Variants in FHAD1 observed in about 807,000 individuals in gnomAD.
The protein encoded by FHAD1 is forkhead-associated domain-containing protein 1.
Under a neutral mutation model 191.3 loss-of-function variants are expected in FHAD1, and 146 were observed. The observed-to-expected ratio is 0.76, with a 90% CI of 0.67 to 0.88. The LOEUF (loss-of-function observed/expected upper bound fraction) is 0.88, where lower values mean the gene tolerates loss of function less well. Ranked by LOEUF, FHAD1 falls within the 40% of genes least tolerant of loss-of-function variation. The pLI, the probability that FHAD1 is intolerant of heterozygous loss-of-function variation, is 0.00. For missense variants in FHAD1, 1,635 were observed against 1,785.8 expected (o/e 0.92, Z 1.52); for synonymous variants, 616 against 672.3 (o/e 0.92, Z 1.29).
intron 10 of FHAD1, among the ~76,000 whole-genome samples, chr1:15,323,950 C>T (rs1387323634): frequency 6.6e-6 from 1 of 152,158 alleles, no homozygotes; most frequent in African/African-American, 2.4e-5. Context: ...ACCAAGTGCC[C>T]ACGATGGGCG....
intron 2 of FHAD1, among the ~76,000 whole-genome samples, chr1:15,259,812 CA>C (rs1316012335): frequency 7.9e-5 from 12 of 152,126 alleles, no homozygotes; most frequent in African/African-American, 2.9e-4. Flanking sequence ...CAGAGCAGAC[CA>C]AGCTGGAGCT....
chr1:15,332,804 C>T (rs1682267498), intron 14 of FHAD1, among the ~76,000 whole-genome samples: 1 of 152,206 alleles, frequency 6.6e-6, no homozygotes, highest in African/African-American at 2.4e-5. Flanking sequence ...GCAAGCATTC[C>T]TCAGACCAGC....
intron 6 of FHAD1, among the ~76,000 whole-genome samples, chr1:15,305,527 C>G (rs925052241): frequency 6.6e-6 from 1 of 152,184 alleles, no homozygotes; most frequent in Non-Finnish European, 1.5e-5. Flanking sequence ...TTGATTTCCT[C>G]ACTTGCAAAA....
intron 14 of FHAD1, among the ~76,000 whole-genome samples, chr1:15,335,659 C>T (rs1031842393): frequency 5.9e-5 from 9 of 152,096 alleles, no homozygotes; most frequent in East Asian, 1.9e-4. Context: ...AACATGAAGA[C>T]GCAGTGGCAA....
chr1:15,332,885 C>T (rs532229497), intron 14 of FHAD1, among the ~76,000 whole-genome samples: 1 of 152,268 alleles, frequency 6.6e-6, no homozygotes, highest in South Asian at 2.1e-4. Context: ...CAGAATCCCT[C>T]CCTTGTTAAC....
intron 3 of FHAD1, among the ~76,000 whole-genome samples, chr1:15,279,621 TG>T (rs1176589780): frequency 6.6e-6 from 1 of 151,412 alleles, no homozygotes; most frequent in Non-Finnish European, 1.5e-5. Context: ...AGCAGATTCT[TG>T]CCCCACCTGT....
intron 32 of FHAD1, among the ~76,000 whole-genome samples, chr1:15,388,649 C>T (rs1331055044): frequency 6.6e-6 from 1 of 151,902 alleles, no homozygotes; most frequent in East Asian, 1.9e-4. Flanking sequence ...CTCGCATAAG[C>T]ACTTCTACCC....
chr1:15,343,257 G>T (rs1382065682), intron 16 of FHAD1, among the ~76,000 whole-genome samples: 1 of 152,156 alleles, frequency 6.6e-6, no homozygotes, highest in African/African-American at 2.4e-5. Flanking sequence ...CCTGCTGTGG[G>T]ATTTCTAAGC....
chr1:15,279,442 G>A (rs1659675410), intron 3 of FHAD1, among the ~76,000 whole-genome samples: 1 of 129,224 alleles, frequency 7.7e-6, no homozygotes, highest in African/African-American at 2.9e-5. Flanking sequence ...GTCTGTTAGG[G>A]TTACCTCTCT....
chr1:15,306,171 T>A (rs1194987572), intron 6 of FHAD1, among the ~76,000 whole-genome samples: 1 of 152,184 alleles, frequency 6.6e-6, no homozygotes, highest in Non-Finnish European at 1.5e-5. Flanking sequence ...CTTGTTATGT[T>A]TTAGCAAAGA....
rs2102992962 is a variant in FHAD1, at chr1:15,381,680, C to T, written c.4022+229C>T. 6.6e-6 allele frequency among the ~76,000 whole-genome samples: 1 copy of T among 152,218 alleles called. No homozygotes were observed. The highest frequency in any genetic ancestry group is 2.1e-4 in the South Asian group (1 of 4,818). ...GTGCACGGTTTCCCCATTCTGTGAA[C>T]TATTTTCTGTGCAAGCTGCACCTCT... On this transcript the variant is annotated intron_variant, in intron 30 of 33. Coordinates refer to ENST00000688493, the MANE Select transcript of FHAD1 (RefSeq NM_001391957.1). The surrounding 1 kb of genome is among the most constrained non-coding windows in gnomAD (Gnocchi z 4.6).
chr1:15,388,072 C>A lies in FHAD1; in HGVS notation c.4210C>A (p.Leu1404Met). 7.8e-7 allele frequency: 1 copy of A among 1,289,876 alleles called. No individual in the cohort carries two copies. Among genetic ancestry groups the A allele is most frequent in the Non-Finnish European group, 1.0e-6 (1 of 988,846 alleles). The allele number at this position is 1,289,876 out of a possible 1,614,324, so 79.9% of individuals were successfully genotyped here. The change falls in exon 32 of 34, where the codon CTG (leucine) becomes ATG (methionine). Residue 1404 changes from leucine to methionine, a missense_variant. By Grantham distance (15) the Leu-to-Met change is conservative. Coordinates refer to ENST00000688493, the MANE Select transcript of FHAD1 (RefSeq NM_001391957.1). ...QQKESVEEHELRNAKESTPCN... is the reference protein window; with the variant it reads ...QQKESVEEHEMRNAKESTPCN... ...TCAGGAAAGTGTAGAGGAGCACGAA[C>A]TGAGAAACGCAAAAGAATCGACACC...
At chr1:15,279,519 T>G (rs1659724869) in intron 3 of FHAD1, among the ~76,000 whole-genome samples, 1 of 149,994 alleles carries the variant, frequency 6.7e-6, no homozygotes, top group African/African-American at 2.5e-5. Context: ...TTCTTCCTTC[T>G]TTCTTGCCTA....
chr1:15,304,857 C>T (rs771453793), intron 6 of FHAD1, among the ~76,000 whole-genome samples: 1 of 152,098 alleles, frequency 6.6e-6, no homozygotes, highest in Non-Finnish European at 1.5e-5. Context: ...ATTCTACCAC[C>T]GAGTCATAGC....
intron 20 of FHAD1, among the ~76,000 whole-genome samples, chr1:15,355,194 G>A (rs558698498): frequency 7.4e-5 from 11 of 149,632 alleles, no homozygotes; most frequent in African/African-American, 2.7e-4. Flanking sequence ...GGGCAATAGA[G>A]TGAGACTCCT....
chr1:15,322,299 T>C (rs550704963), intron 10 of FHAD1, among the ~76,000 whole-genome samples: 1 of 152,340 alleles, frequency 6.6e-6, no homozygotes, highest in East Asian at 1.9e-4. Flanking sequence ...TAGCCACAAT[T>C]TTGCATGGAC....
intron 33 of FHAD1, among the ~76,000 whole-genome samples, chr1:15,394,098 G>A (rs900973777): frequency 1.9e-4 from 29 of 152,280 alleles, no homozygotes; most frequent in African/African-American, 6.5e-4. Flanking sequence ...GGTGAGGCAC[G>A]TGGTTCCAAA....
chr1:15,296,800 G>C lies in FHAD1; in HGVS notation c.678+7G>C, dbSNP rs1446654248. On this transcript the variant is annotated splice_region_variant and intron_variant, in intron 5 of 33. Transcript: ENST00000688493. ...CTTGGCCCAGCAGGACAAGGTGAGGGAGGGGTCTGGGGAAGGGTGGAGCTG... is the reference window on the plus strand; with the variant it reads ...CTTGGCCCAGCAGGACAAGGTGAGGCAGGGGTCTGGGGAAGGGTGGAGCTG... 3 of 1,549,834 alleles carry C rather than the reference G, an allele frequency of 1.9e-6. No individual in the cohort carries two copies. The Admixed American group carries it at 5.9e-5, about 30-fold the overall frequency.
rs570569622 is a variant in FHAD1 at position 15,389,447 on chromosome 1, C to CAAAAAAAAAAAAAAAAAAAAAAAAA, written c.4269+1337_4269+1338insAAAAAAAAAAAAAAAAAAAAAAAAA. Among the ~76,000 whole-genome samples, 199 of 54,186 alleles carry CAAAAAAAAAAAAAAAAAAAAAAAAA rather than the reference C, an allele frequency of 3.7e-3. 23 individuals are homozygous for CAAAAAAAAAAAAAAAAAAAAAAAAA. Among genetic ancestry groups the CAAAAAAAAAAAAAAAAAAAAAAAAA allele is most frequent in the African/African-American group, 7.8e-3 (100 of 12,890 alleles). The allele number at this position is 54,186 out of a possible 152,430, so 35.5% of individuals were successfully genotyped here. On this transcript the variant is annotated intron_variant, in intron 32 of 33. Transcript: ENST00000688493. ...TGAGCAACAGAGGAAGAACCTGTCT[C>CAAAAAAAAAAAAAAAAAAAAAAAAA]AAAAAAAAAAAAAAAAAAAAACCTG...
Sources: gnomAD v4.1 joint callset for allele counts (sites outside exome capture counted in the v4.1 genomes callset) on GRCh38, gnomAD v4.1.1 for gene constraint, Gnocchi (gnomAD v3.1) non-coding constraint, MANE v1.5 for transcripts, NCBI Gene and HGNC (gene_info 2026-07-23, HGNC 2026-07-21) for gene names.